Variants in OPRD1 observed in about 807,000 individuals in gnomAD.
The protein encoded by OPRD1 is opioid receptor delta 1, also known as delta-type opioid receptor.
OPRD1 carries 19 observed loss-of-function variants against 17.5 expected under a neutral mutation model. That is an observed-to-expected ratio of 1.09 (90% CI 0.76 to 1.60). The LOEUF is 1.60. Among genes scored for constraint, OPRD1 ranks in the 40% most tolerant of loss-of-function variants. The pLI is 0.00. For synonymous variants in OPRD1, 256 were observed against 240.9 expected (o/e 1.06, Z -0.58); for missense variants, 483 against 547.2 (o/e 0.88, Z 1.17).
intron 1 of OPRD1, among the ~76,000 whole-genome samples, chr1:28,851,256 T>C (rs2147745748): frequency 6.6e-6 from 1 of 152,320 alleles, no homozygotes; most frequent in Non-Finnish European, 1.5e-5. Context: ...TTTTAGATGC[T>C]TCAGTGGCAA....
At chr1:28,848,250 A>T (rs1467731989) in intron 1 of OPRD1, among the ~76,000 whole-genome samples, 1 of 152,156 alleles carries the variant, frequency 6.6e-6, no homozygotes, top group Non-Finnish European at 1.5e-5. Flanking sequence ...CGTCTAAAAA[A>T]AAAAAATGAC....
chr1:28,862,901 T>G lies in OPRD1; in HGVS notation c.737T>G (p.Leu246Arg), dbSNP rs772472729. The change falls in exon 3 of 3, where the codon CTG (leucine) becomes CGG (arginine). Residue 246 changes from leucine to arginine, a missense_variant. Leu to Arg is a moderately radical substitution (Grantham distance 102). Coordinates refer to ENST00000234961, the MANE Select transcript of OPRD1 (RefSeq NM_000911.4). ...MLLRLRSVRL[L>R]SGSKEKDRSL... is the part of the protein sequence containing the mutation. ...CTGCGCCTGCGCAGTGTGCGCCTGCTGTCGGGCTCCAAGGAGAAGGACCGC... is the reference window on the plus strand; with the variant it reads ...CTGCGCCTGCGCAGTGTGCGCCTGCGGTCGGGCTCCAAGGAGAAGGACCGC... 1 of 1,612,724 alleles carries G rather than the reference T, an allele frequency of 6.2e-7. No homozygotes were observed. Among genetic ancestry groups the G allele is most frequent in the East Asian group, 2.2e-5 (1 of 44,886 alleles).
intron 1 of OPRD1, among the ~76,000 whole-genome samples, chr1:28,846,845 CTT>C (rs58265288): frequency 1.7e-5 from 1 of 58,762 alleles, no homozygotes; most frequent in East Asian, 1.9e-3. Flanking sequence ...TTCTTTCTTT[CTT>C]TTCTTTCTTT....
At chr1:28,855,738 T>C (rs2089051302) in intron 1 of OPRD1, among the ~76,000 whole-genome samples, 2 of 152,198 alleles carry the variant, frequency 1.3e-5, no homozygotes, top group Non-Finnish European at 2.9e-5. Flanking sequence ...CAGCCTCTAA[T>C]TGTTCTGCGT....
At chr1:28,817,578 C>T (rs2088679922) in intron 1 of OPRD1, among the ~76,000 whole-genome samples, 3 of 152,220 alleles carry the variant, frequency 2.0e-5, no homozygotes, top group Non-Finnish European at 1.5e-5. Flanking sequence ...GGTCTGGACC[C>T]AGGGCCTCTG....
intron 1 of OPRD1, among the ~76,000 whole-genome samples, chr1:28,854,414 G>A (rs1480236563): frequency 6.6e-6 from 1 of 151,596 alleles, no homozygotes; most frequent in Non-Finnish European, 1.5e-5. Flanking sequence ...TTGAGACAGT[G>A]TCTTGCTGTG....
In OPRD1 at chr1:28,812,401, C is replaced by T. The variant is rs569383798; in HGVS notation, c.18C>T (p.Ser6=). The T allele has an allele frequency of 4.2e-6, 6 of 1,440,420 alleles. No homozygotes were observed. In the African/African-American group the frequency reaches 7.4e-5, roughly 18 times the overall value. 89.2% of individuals were successfully genotyped at this position (1,440,420 alleles called of 1,614,324 possible). A position where few individuals can be genotyped will look rare whatever the true frequency, so the allele number is the denominator to read the frequency against. Residue 6 remains serine (S), a synonymous_variant, in exon 1 of 3, where the codon TCC becomes TCT. Coordinates refer to ENST00000234961, the MANE Select transcript of OPRD1 (RefSeq NM_000911.4). ...CGGCAGCCATGGAACCGGCCCCCTC[C>T]GCCGGCGCCGAGCTGCAGCCCCCGC... MEPAP[S]AGAELQPPLF...
At chr1:28,856,073 T>C (rs1019313483) in intron 1 of OPRD1, among the ~76,000 whole-genome samples, 4 of 152,136 alleles carry the variant, frequency 2.6e-5, no homozygotes, top group Admixed American at 1.3e-4. Context: ...GGGCTGGGCA[T>C]GGGATCAGAG....
Position 28,812,490 on chromosome 1 carries a change from G to T in OPRD1, c.107G>T (p.Gly36Val). The change falls in exon 1 of 3, where the codon GGG becomes GTG. Residue 36 changes from glycine (G) to valine (V), a missense_variant. Transcript: ENST00000234961. ...ACPSAGANAS[G>V]PPGARSASSL... ...CCCAGCGCTGGCGCCAATGCGTCGGGGCCGCCAGGCGCGCGGAGCGCCTCG... is the reference window on the plus strand; with the variant it reads ...CCCAGCGCTGGCGCCAATGCGTCGGTGCCGCCAGGCGCGCGGAGCGCCTCG... 2 of 1,553,976 alleles carry T rather than the reference G, an allele frequency of 1.3e-6. No individual in the cohort carries two copies. Among genetic ancestry groups the T allele is most frequent in the Non-Finnish European group, 1.7e-6 (2 of 1,158,666 alleles).
intron 1 of OPRD1, among the ~76,000 whole-genome samples, chr1:28,854,352 G>A (rs2089035457): frequency 6.6e-6 from 1 of 151,942 alleles, no homozygotes; most frequent in Non-Finnish European, 1.5e-5. Flanking sequence ...TCTGCCTCCT[G>A]AGTAGCTGGG....
intron 1 of OPRD1, among the ~76,000 whole-genome samples, chr1:28,833,088 A>G (rs1019245770): frequency 6.6e-6 from 1 of 152,208 alleles, no homozygotes; most frequent in Non-Finnish European, 1.5e-5. Flanking sequence ...AAGGCTCTCT[A>G]CAGGAGACCT....
In OPRD1 at chr1:28,863,224, CGCGA is replaced by C; in HGVS notation, c.1064_1067del (p.Glu355ValfsTer122). The C allele has an allele frequency of 6.4e-7, 1 of 1,569,910 alleles. No homozygotes were observed. ...CAGCCGCGCCCGCGAAGCCACGGCC[CGCGA>C]GCGTGTCACCGCCTGCACCCCGTCC... On this transcript the variant is annotated frameshift_variant, in exon 3 of 3. Coordinates refer to ENST00000234961, the MANE Select transcript of OPRD1 (RefSeq NM_000911.4). LOFTEE classifies it high-confidence loss of function.
intron 1 of OPRD1, among the ~76,000 whole-genome samples, chr1:28,842,432 A>C (rs1275370268): frequency 6.6e-6 from 1 of 152,228 alleles, no homozygotes; most frequent in Non-Finnish European, 1.5e-5. Context: ...GCACTTGGGT[A>C]TTCAGTTGAG....
At chr1:28,828,930 C>A (rs1184243182) in intron 1 of OPRD1, among the ~76,000 whole-genome samples, 2 of 150,486 alleles carry the variant, frequency 1.3e-5, no homozygotes, top group Non-Finnish European at 2.9e-5. Flanking sequence ...GTGGAGGTTG[C>A]AGTGAGCCGA....
intron 1 of OPRD1, among the ~76,000 whole-genome samples, chr1:28,818,054 A>G (rs1393208444): frequency 6.6e-6 from 1 of 152,130 alleles, no homozygotes; most frequent in African/African-American, 2.4e-5. Context: ...GCGATATGAC[A>G]GGTTATTGGG....
In OPRD1 at chr1:28,812,496, C is replaced by G; in HGVS notation, c.113C>G (p.Pro38Arg). Residue 38 changes from proline to arginine, a missense_variant, in exon 1 of 3, where the codon CCA (proline) becomes CGA (arginine). Coordinates refer to ENST00000234961, the MANE Select transcript of OPRD1 (RefSeq NM_000911.4). ...PSAGANASGP[P>R]GARSASSLAL... ...GCTGGCGCCAATGCGTCGGGGCCGC[C>G]AGGCGCGCGGAGCGCCTCGTCCCTC... is the stretch of plus-strand genomic sequence containing the variant. 6.4e-7 allele frequency: 1 copy of G among 1,560,910 alleles called. No individual in the cohort carries two copies. Among genetic ancestry groups the G allele is most frequent in the Admixed American group, 1.8e-5 (1 of 54,838 alleles).
At chr1:28,824,189 A>G (rs2088742675) in intron 1 of OPRD1, among the ~76,000 whole-genome samples, 1 of 151,398 alleles carries the variant, frequency 6.6e-6, no homozygotes, top group Non-Finnish European at 1.5e-5. Flanking sequence ...CAAAAAAAAA[A>G]AAAAAAAAGC....
chr1:28,841,994 G>C (rs1311260538), intron 1 of OPRD1, among the ~76,000 whole-genome samples: 5 of 151,544 alleles, frequency 3.3e-5, no homozygotes, highest in Admixed American at 6.6e-5. Context: ...AAAGTGCTGG[G>C]ATTACAGGCA....
At chr1:28,813,524 C>CCT (rs1018042501) in intron 1 of OPRD1, among the ~76,000 whole-genome samples, 1 of 152,116 alleles carries the variant, frequency 6.6e-6, no homozygotes, top group Non-Finnish European at 1.5e-5. Context: ...GTGAGGTGCT[C>CCT]TTCTTGGAGT....
Sources: gnomAD v4.1 joint callset for allele counts (sites outside exome capture counted in the v4.1 genomes callset) on GRCh38, gnomAD v4.1.1 for gene constraint, MANE v1.5 for transcripts, NCBI Gene and HGNC (gene_info 2026-07-23, HGNC 2026-07-21) for gene names.